The following LAMB1 variants were observed in gnomAD, a reference collection of about 807,000 sequenced individuals.
LAMB1 encodes laminin subunit beta-1.
LAMB1 carries 121 observed loss-of-function variants against 222.3 expected under a neutral mutation model. The observed-to-expected ratio is 0.54, with a 90% CI of 0.47 to 0.63. The LOEUF (loss-of-function observed/expected upper bound fraction) is 0.63, where lower values mean the gene tolerates loss of function less well. Ranked by LOEUF, LAMB1 falls within the 30% of genes least tolerant of loss-of-function variation. The probability of loss-of-function intolerance (pLI) is 0.00; values close to 1 mark genes in which losing one functional copy is unlikely to be tolerated. For missense variants in LAMB1, 2,172 were observed against 2,240.8 expected, an observed-to-expected ratio of 0.97 and a Z score of 0.62; for synonymous variants, 794 against 807.2, an observed-to-expected ratio of 0.98 and a Z score of 0.28.
chr7:107,931,452 C>G lies in LAMB1; in HGVS notation c.4441G>C (p.Asp1481His). The change falls in exon 29 of 34, where the codon GAC (aspartate) becomes CAC (histidine). Residue 1481 changes from aspartate (D) to histidine (H), a missense_variant. Coordinates refer to ENST00000222399, the MANE Select transcript of LAMB1 (RefSeq NM_002291.3). ...GTAGCATTTGTCTTCAACAGAATGT[C>G]TTCAGCACTTTGTTTTGCCTCATCT... is the stretch of plus-strand genomic sequence containing the variant. ...RADEAKQSAEDILLKTNATKE... is the reference protein window; with the variant it reads ...RADEAKQSAEHILLKTNATKE... The G allele has an allele frequency of 6.2e-7, 1 of 1,613,710 alleles. No homozygotes were observed. The highest frequency in any genetic ancestry group is 1.3e-5 in the African/African-American group (1 of 75,024).
At position 107,935,660 on chromosome 7, in the gene LAMB1, G is replaced by C; in HGVS notation, c.3947-4C>G. 6.2e-7 allele frequency: 1 copy of C among 1,613,142 alleles called. No individual in the cohort carries two copies. The highest frequency in any genetic ancestry group is 8.5e-7 in the Non-Finnish European group (1 of 1,179,392). ...TTGGTAATGCTATCCAAGGCACCTA[G>C]GGTAGGAAATGAAATTGCCCACAGT... is the stretch of plus-strand genomic sequence containing the variant. On this transcript the variant is annotated splice_region_variant and splice_polypyrimidine_tract_variant and intron_variant, in intron 26 of 33. Coordinates refer to ENST00000222399, the MANE Select transcript of LAMB1 (RefSeq NM_002291.3).
intron 25 of LAMB1, 39 bp from the exon 26 acceptor site, chr7:107,937,316 C>A: frequency 6.5e-7 from 1 of 1,534,344 alleles, no homozygotes; most frequent in Non-Finnish European, 9.0e-7. Context: ...ATAAAATAAA[C>A]CCAAGGGAGA....
intron 15 of LAMB1, among the ~76,000 whole-genome samples, chr7:107,962,085 C>T (rs1023153210): frequency 1.3e-5 from 2 of 152,210 alleles, no homozygotes; most frequent in African/African-American, 4.8e-5. Flanking sequence ...AAAACCCTCT[C>T]TTCTCTCTTC....
intron 15 of LAMB1, 139 bp downstream of exon 15, chr7:107,962,766 G>C: frequency 2.0e-6 from 1 of 510,568 alleles, no homozygotes; most frequent in Non-Finnish European, 3.3e-6. Flanking sequence ...CTTCCATGGA[G>C]GAGGTGAGAC....
intron 10 of LAMB1, 103 bp from the exon 11 acceptor site, chr7:107,975,516 G>A (rs571437514): frequency 8.0e-5 from 105 of 1,304,502 alleles, no homozygotes; most frequent in Middle Eastern, 1.9e-4. Context: ...CACAAAAGTC[G>A]ACTAAAAGCA....
At chr7:107,942,695 T>G (rs775541757) in intron 24 of LAMB1, 1 of 152,236 alleles carries the variant, frequency 6.6e-6, no homozygotes, top group Non-Finnish European at 1.5e-5. Context: ...TAGAAGAGCA[T>G]CTGGTCTATA....
intron 24 of LAMB1, among the ~76,000 whole-genome samples, chr7:107,941,170 G>A (rs115672384): frequency 4.8e-4 from 73 of 152,310 alleles, no homozygotes; most frequent in African/African-American, 1.7e-3. Flanking sequence ...ATCACGTGCC[G>A]TACAGGACAA....
chr7:107,940,737 T>G (rs1163540053), intron 24 of LAMB1, among the ~76,000 whole-genome samples: 1 of 152,212 alleles, frequency 6.6e-6, no homozygotes. Context: ...GCCAGAATTC[T>G]GATTCAGTTC....
chr7:107,990,753 G>A (rs2150449793), intron 5 of LAMB1, among the ~76,000 whole-genome samples: 1 of 152,272 alleles, frequency 6.6e-6, no homozygotes, highest in East Asian at 1.9e-4. Context: ...CCTCATCTTG[G>A]CAATGATCCT....
At chr7:107,929,341 G>C (rs1178150088) in intron 30 of LAMB1, 71 bp downstream of exon 30, 2 of 1,513,384 alleles carry the variant, frequency 1.3e-6, no homozygotes, top group African/African-American at 2.8e-5. Flanking sequence ...AGTTTCATTG[G>C]TTAAAGAGAT....
chr7:107,961,102 C>T, intron 17 of LAMB1, 104 bp downstream of exon 17: 2 of 1,310,546 alleles, frequency 1.5e-6, no homozygotes, highest in South Asian at 2.7e-5. Context: ...AATGATTCTG[C>T]TTACGCTGGC....
intron 14 of LAMB1, 62 bp downstream of exon 14, chr7:107,964,490 T>C (rs2033584115): frequency 2.5e-6 from 4 of 1,596,838 alleles, no homozygotes; most frequent in Admixed American, 1.7e-5. Flanking sequence ...TTACAAAGCA[T>C]GTATGTTCCA....
chr7:107,924,733 A>C (rs1283699331), intron 32 of LAMB1, among the ~76,000 whole-genome samples: 1 of 152,204 alleles, frequency 6.6e-6, no homozygotes, highest in South Asian at 2.1e-4. Context: ...AGAGAAGCCC[A>C]TATTGAAGAA....
At chr7:107,928,400 AACCAG>A in intron 31 of LAMB1, among the ~76,000 whole-genome samples, 1 of 152,334 alleles carries the variant, frequency 6.6e-6, no homozygotes, top group Middle Eastern at 3.4e-3. Context: ...TGGCCTTCTT[AACCAG>A]ATAAGCTGCT....
chr7:107,939,229 A>T (rs10271497), intron 25 of LAMB1, among the ~76,000 whole-genome samples: 89,875 of 151,756 alleles, frequency 0.59, 26,891 homozygotes, highest in East Asian at 0.85. Context: ...GGAGTTGGGA[A>T]GTTTAGGGGC....
intron 18 of LAMB1, among the ~76,000 whole-genome samples, chr7:107,960,086 C>T (rs747989088): frequency 7.2e-5 from 11 of 152,152 alleles, no homozygotes; most frequent in Non-Finnish European, 1.3e-4. Flanking sequence ...TAGACCAAAG[C>T]CCAGTGACCT....
intron 13 of LAMB1, among the ~76,000 whole-genome samples, chr7:107,972,105 C>A (rs1029456529): frequency 2.6e-5 from 4 of 152,182 alleles, no homozygotes; most frequent in Non-Finnish European, 5.9e-5. Flanking sequence ...GATATTCACA[C>A]CGGATTTCAG....
intron 13 of LAMB1, among the ~76,000 whole-genome samples, chr7:107,972,303 G>A (rs933570109): frequency 6.6e-6 from 1 of 152,176 alleles, no homozygotes; most frequent in Non-Finnish European, 1.5e-5. Context: ...TGAATTCAGA[G>A]TGTTCTCTCT....
At chr7:107,944,250 C>G (rs542897161) in intron 24 of LAMB1, among the ~76,000 whole-genome samples, 1 of 152,216 alleles carries the variant, frequency 6.6e-6, no homozygotes, top group South Asian at 2.1e-4. Flanking sequence ...ATTTCGTTGC[C>G]AAAGACATGT....
Sources: gnomAD v4.1 joint callset for allele counts (sites outside exome capture counted in the v4.1 genomes callset) on GRCh38, gnomAD v4.1.1 for gene constraint, MANE v1.5 for transcripts, NCBI Gene and HGNC (gene_info 2026-07-23, HGNC 2026-07-21) for gene names.